The following IDH2 variants were observed in gnomAD, a reference collection of about 807,000 sequenced individuals.
IDH2 encodes the protein isocitrate dehydrogenase [NADP], mitochondrial.
Under a neutral mutation model 50.5 loss-of-function variants are expected in IDH2, and 18 were observed. The observed-to-expected ratio is 0.36, with a 90% confidence interval of 0.25 to 0.53. The LOEUF (loss-of-function observed/expected upper bound fraction) is 0.53, where lower values mean the gene tolerates loss of function less well. Ranked by LOEUF, IDH2 falls within the 20% of genes least tolerant of loss-of-function variation. IDH2 has a pLI of 0.92. For synonymous variants in IDH2, 280 were observed against 239.8 expected (o/e 1.17, Z -1.55); for missense variants, 518 against 610.7 (o/e 0.85, Z 1.60).
In IDH2 at chr15:90,085,092, G is replaced by A. The variant is rs2151546824; in HGVS notation, c.1087C>T (p.Pro363Ser). ...CTGGCGATGGGGTTGGTGCTGGTGG[G>A]CCGGCCCTGGGGACGGGGGTTGCAG... Reference protein sequence around the residue: ...RHYREHQKGRPTSTNPIASIF... With the variant: ...RHYREHQKGRSTSTNPIASIF... Residue 363 changes from proline to serine, a missense_variant, in exon 9 of 11, where the codon CCC (proline) becomes TCC (serine). Pro to Ser is a moderately conservative substitution (Grantham distance 74). Transcript: ENST00000330062. The surrounding 1 kb of genome is among the most constrained non-coding windows in gnomAD (Gnocchi z 5.5). The A allele has an allele frequency of 6.2e-7, 1 of 1,613,640 alleles. No individual in the cohort carries two copies. The highest frequency in any genetic ancestry group is 1.1e-5 in the South Asian group (1 of 91,082).
At position 90,085,386 on chromosome 15, in the gene IDH2, GC is replaced by G; in HGVS notation, c.968del (p.Gly323AlafsTer7). 2 of 1,553,068 alleles carry G rather than the reference GC, an allele frequency of 1.3e-6. No individual in the cohort carries two copies. Among genetic ancestry groups the G allele is most frequent in the East Asian group, 4.8e-5 (2 of 41,494 alleles). On this transcript the variant is annotated frameshift_variant and splice_region_variant, in exon 8 of 11. Transcript: ENST00000330062. LOFTEE classifies it high-confidence loss of function. The surrounding 1 kb of genome is among the most constrained non-coding windows in gnomAD (Gnocchi z 5.5). ...GDVQSDILAQ[G>X]FGSLGLMTSV... is the part of the protein sequence containing the mutation. ...ACGTCATCAGGCCAAGGGAGCCAAA[GC>G]CTGGAGGGTAGAAAGCCTTTCTCTC...
chr15:90,087,388 A>G, intron 6 of IDH2, 51 bp downstream of exon 6: 2 of 1,613,750 alleles, frequency 1.2e-6, no homozygotes, highest in East Asian at 4.5e-5. Flanking sequence ...GGATGGGAAC[A>G]GCATGGGGGG....
chr15:90,089,849 C>T (rs1900985230), intron 3 of IDH2, among the ~76,000 whole-genome samples: 1 of 152,178 alleles, frequency 6.6e-6, no homozygotes, highest in South Asian at 2.1e-4. Flanking sequence ...CTGGTGGGGG[C>T]ACCTCTCAGT....
intron 7 of IDH2, 115 bp downstream of exon 7, chr15:90,086,997 A>T: frequency 8.9e-7 from 1 of 1,122,680 alleles, no homozygotes; most frequent in Non-Finnish European, 1.3e-6. Context: ...TCCACAGAGG[A>T]CCCTGCAATG....
At chr15:90,096,845 C>A (rs1901195206) in intron 1 of IDH2, among the ~76,000 whole-genome samples, 1 of 151,322 alleles carries the variant, frequency 6.6e-6, no homozygotes, top group African/African-American at 2.4e-5. Flanking sequence ...ACCCGGGAGG[C>A]GGAGCTTGCA....
rs59583363 is a variant in IDH2 at position 90,083,119 on chromosome 15, A to ATTTTTTTTTTTTTTTTTTTTTT, written c.*1125_*1146dup. 3.2e-5 allele frequency: 2 copies of ATTTTTTTTTTTTTTTTTTTTTT among 62,656 alleles called. No homozygotes were observed. The highest frequency in any genetic ancestry group is 1.2e-4 in the African/African-American group (2 of 16,484). 3.9% of individuals were successfully genotyped at this position (62,656 alleles called of 1,614,324 possible). ...GGGGCTAAAAAACTTGCATAGAGCA[A>ATTTTTTTTTTTTTTTTTTTTTT]TTTTTTTTTTTTTTTTTTTTTTTTT... On this transcript the variant is annotated 3_prime_UTR_variant, in exon 11 of 11. Coordinates refer to ENST00000330062, the MANE Select transcript of IDH2 (RefSeq NM_002168.4).
At position 90,091,615 on chromosome 15, in the gene IDH2, G is replaced by T; in HGVS notation, c.145C>A (p.Pro49Thr). Residue 49 changes from proline to threonine, a missense_variant, in exon 2 of 11, where the codon CCC becomes ACC. This residue lies in a region of IDH2 where 68 missense variants were observed against 109.7 expected (regional missense o/e 0.62). Transcript: ENST00000330062. ...YADKRIKVAK[P>T]VVEMDGDEMT... ...TCATCACCATCCATCTCCACCACGGGCTTCGCCACCTTGATCCTTTTGTCG... is the reference window on the plus strand; with the variant it reads ...TCATCACCATCCATCTCCACCACGGTCTTCGCCACCTTGATCCTTTTGTCG... 1 of 1,614,190 alleles carries T rather than the reference G, an allele frequency of 6.2e-7. No individual in the cohort carries two copies. The highest frequency in any genetic ancestry group is 8.5e-7 in the Non-Finnish European group (1 of 1,180,006).
intron 1 of IDH2, among the ~76,000 whole-genome samples, chr15:90,095,445 A>C (rs1435375292): frequency 6.6e-6 from 1 of 150,762 alleles, no homozygotes; most frequent in Non-Finnish European, 1.5e-5. Flanking sequence ...CCTATGAGTT[A>C]ATTTGAGGAC....
chr15:90,094,614 A>G (rs1410956890), intron 1 of IDH2, among the ~76,000 whole-genome samples: 1 of 152,194 alleles, frequency 6.6e-6, no homozygotes, highest in East Asian at 1.9e-4. Flanking sequence ...ATTTGAAAAC[A>G]CTGGGTTGGG....
At position 90,085,555 on chromosome 15, in the gene IDH2, C is replaced by A. The variant is rs1323026137; in HGVS notation, c.968-168G>T. Among the ~76,000 whole-genome samples, 8 of 152,240 alleles carry A rather than the reference C, an allele frequency of 5.3e-5. No individual in the cohort carries two copies. The highest frequency in any genetic ancestry group is 1.9e-4 in the African/African-American group (8 of 41,462). On this transcript the variant is annotated intron_variant, in intron 7 of 10. Transcript: ENST00000330062. This position sits in a 1 kb window ranked among gnomAD's most constrained non-coding sequence, Gnocchi z 5.5. ...AGGGACTGTTCCAGGTCTCTTCACCCTCCTGTGGGTCTCCAGGGCCCAGCA... is the reference window on the plus strand; with the variant it reads ...AGGGACTGTTCCAGGTCTCTTCACCATCCTGTGGGTCTCCAGGGCCCAGCA...
chr15:90,093,438 G>A (rs139767984), intron 1 of IDH2, among the ~76,000 whole-genome samples: 5 of 152,190 alleles, frequency 3.3e-5, no homozygotes, highest in South Asian at 2.1e-4. Flanking sequence ...TGTCTGTTGC[G>A]TGCAACCCAA....
rs1567254879 is a variant in IDH2 at position 90,088,687 on chromosome 15, C to G, written c.434G>C (p.Gly145Ala). 6.2e-7 allele frequency: 1 copy of G among 1,613,974 alleles called. No individual in the cohort carries two copies. The highest frequency in any genetic ancestry group is 8.5e-7 in the Non-Finnish European group (1 of 1,179,986). ...GATGATGGGCTCCCGGAAGACAGTC[C>G]CCCCCAGGATGTTCCGGATAGTTCC... ...PNGTIRNILG[G>A]TVFREPIICK... The change falls in exon 4 of 11, where the codon GGG (glycine) becomes GCG (alanine). Residue 145 changes from glycine to alanine, a missense_variant. Transcript: ENST00000330062.
chr15:90,092,341 A>C (rs28817699), intron 1 of IDH2, among the ~76,000 whole-genome samples: 5,729 of 150,366 alleles, frequency 0.038, 365 homozygotes, highest in African/African-American at 0.13. Context: ...ATCCTTACTT[A>C]CTTCCTTTCC....
chr15:90,087,147 T>C lies in IDH2; in HGVS notation c.932A>G (p.Tyr311Cys). 7 of 1,614,170 alleles carry C rather than the reference T, an allele frequency of 4.3e-6. No individual in the cohort carries two copies. Among genetic ancestry groups the C allele is most frequent in the Non-Finnish European group, 5.9e-6 (7 of 1,180,028 alleles). Residue 311 changes from tyrosine (Y) to cysteine (C), a missense_variant, in exon 7 of 11, where the codon TAT (tyrosine) becomes TGT (cysteine). Coordinates refer to ENST00000330062, the MANE Select transcript of IDH2 (RefSeq NM_002168.4). ...SGGFVWACKN[Y>C]DGDVQSDILA... ...GATGTCTGACTGCACATCTCCGTCATAGTTCTTGCAGGCCCACACAAAGCC... is the reference window on the plus strand; with the variant it reads ...GATGTCTGACTGCACATCTCCGTCACAGTTCTTGCAGGCCCACACAAAGCC...
chr15:90,084,918 T>C lies in IDH2; in HGVS notation c.1179-10A>G, dbSNP rs1238603344. 1.9e-6 allele frequency: 3 copies of C among 1,613,748 alleles called. No individual in the cohort carries two copies. The highest frequency in any genetic ancestry group is 2.2e-5 in the East Asian group (1 of 44,884). On this transcript the variant is annotated splice_polypyrimidine_tract_variant and intron_variant, in intron 9 of 10. Transcript: ENST00000330062. This position sits in a 1 kb window ranked among gnomAD's most constrained non-coding sequence, Gnocchi z 5.0. ...CAGCATCTGGGCAAACCTATGGGGA[T>C]GGGGCAGAATGAGACCCCATCTGTG...
At position 90,088,864 on chromosome 15, in the gene IDH2, G is replaced by A. The variant is rs1029851301; in HGVS notation, c.374-117C>T. The A allele has an allele frequency of 3.3e-6, 3 of 916,560 alleles. No homozygotes were observed. The African/African-American group carries it at 5.0e-5, about 15-fold the overall frequency. The allele number at this position is 916,560 out of a possible 1,614,324, so 56.8% of individuals were successfully genotyped here. On this transcript the variant is annotated intron_variant, in intron 3 of 10. Coordinates refer to ENST00000330062, the MANE Select transcript of IDH2 (RefSeq NM_002168.4). The stretch of plus-strand genomic sequence containing the variant: ...CCTAAAATTCTTCATGAGGAAGGCA[G>A]TAGAGTCTAGAGTGCAAATGTGTGG...
Position 90,100,184 on chromosome 15 carries a change from A to G in IDH2, c.115+2092T>C, listed in dbSNP as rs1345912739. ...CAACCTACAGTGTACTAATATTTGCAATCTGCTGGTATTTTTAACATGGGT... is the reference window on the plus strand; with the variant it reads ...CAACCTACAGTGTACTAATATTTGCGATCTGCTGGTATTTTTAACATGGGT... On this transcript the variant is annotated intron_variant, in intron 1 of 10. Transcript: ENST00000330062. The surrounding 1 kb of genome is among the most constrained non-coding windows in gnomAD (Gnocchi z 4.1). 6.6e-6 allele frequency among the ~76,000 whole-genome samples: 1 copy of G among 152,148 alleles called. No homozygotes were observed. The highest frequency in any genetic ancestry group is 2.4e-5 in the African/African-American group (1 of 41,418).
intron 1 of IDH2, among the ~76,000 whole-genome samples, chr15:90,092,961 C>A (rs954546127): frequency 6.6e-6 from 1 of 152,222 alleles, no homozygotes; most frequent in Non-Finnish European, 1.5e-5. Context: ...CCACTTTAAT[C>A]TGGCTAGGTA....
At chr15:90,087,012 C>G in intron 7 of IDH2, 100 bp downstream of exon 7, 1 of 1,325,342 alleles carries the variant, frequency 7.5e-7, no homozygotes, top group South Asian at 1.2e-5. Flanking sequence ...GCAATGAGTC[C>G]TGCTCCACTA....
Sources: gnomAD v4.1 joint callset for allele counts (sites outside exome capture counted in the v4.1 genomes callset) on GRCh38, gnomAD v4.1.1 for gene constraint, gnomAD v4.1.1 regional missense constraint, Gnocchi (gnomAD v3.1) non-coding constraint, MANE v1.5 for transcripts, NCBI Gene and HGNC (gene_info 2026-07-23, HGNC 2026-07-21) for gene names.